NETO2: variants seen among roughly 807,000 people sequenced by gnomAD.
NETO2 encodes the protein neuropilin and tolloid like 2.
Under a neutral mutation model 62.5 loss-of-function variants are expected in NETO2, and 28 were observed. That is an observed-to-expected ratio of 0.45 (90% CI 0.33 to 0.61). The LOEUF is 0.61. Among genes scored for constraint, NETO2 ranks in the 20% least tolerant of loss-of-function variants. The pLI is 0.02. For missense variants in NETO2, 548 were observed against 643.2 expected (o/e 0.85, Z 1.60); for synonymous variants, 214 against 219.1 (o/e 0.98, Z 0.21).
At position 47,082,270 on chromosome 16, in the gene NETO2, T is replaced by C. The variant is rs886462560; in HGVS notation, c.*951A>G. ...CTGGCATCTAACCTTGGTTACCATA[T>C]GCTGTAAGCAAAACCAACAGAATGG... On this transcript the variant is annotated 3_prime_UTR_variant, in exon 9 of 9. Coordinates refer to ENST00000562435, the MANE Select transcript of NETO2 (RefSeq NM_018092.5). 1 of 152,564 alleles carries C rather than the reference T, an allele frequency of 6.6e-6. No individual in the cohort carries two copies. The highest frequency in any genetic ancestry group is 1.5e-5 in the Non-Finnish European group (1 of 68,032). 9.5% of individuals were successfully genotyped at this position (152,564 alleles called of 1,614,324 possible).
chr16:47,118,526 G>T (rs1963968955), intron 6 of NETO2, among the ~76,000 whole-genome samples: 1 of 152,154 alleles, frequency 6.6e-6, no homozygotes, highest in African/African-American at 2.4e-5. Flanking sequence ...GATTAAGAGA[G>T]AAAAAAGCCG....
chr16:47,134,276 C>G (rs965359228), intron 1 of NETO2, among the ~76,000 whole-genome samples: 1 of 152,170 alleles, frequency 6.6e-6, no homozygotes, highest in African/African-American at 2.4e-5. Flanking sequence ...TTTCTTGCAT[C>G]CTTGCTGACC....
At chr16:47,115,531 A>G (rs569285116) in intron 6 of NETO2, among the ~76,000 whole-genome samples, 81 of 144,694 alleles carry the variant, frequency 5.6e-4, no homozygotes, top group African/African-American at 1.9e-3. Context: ...AATTCAACTG[A>G]TTTTTTTTTT....
intron 7 of NETO2, 36 bp from the exon 8 acceptor site, chr16:47,086,375 C>G (rs200881259): frequency 1.5e-6 from 2 of 1,362,530 alleles, no homozygotes; most frequent in African/African-American, 2.9e-5. Flanking sequence ...AAAGAGCAGG[C>G]AGACCACCTG....
chr16:47,143,667 C>G lies in NETO2; in HGVS notation c.-55G>C. 1.6e-6 allele frequency: 2 copies of G among 1,216,922 alleles called. No individual in the cohort carries two copies. Among genetic ancestry groups the G allele is most frequent in the Non-Finnish European group, 2.0e-6 (2 of 977,076 alleles). The allele number at this position is 1,216,922 out of a possible 1,614,324, so 75.4% of individuals were successfully genotyped here. A position where few individuals can be genotyped will look rare whatever the true frequency, so the allele number is the denominator to read the frequency against. On this transcript the variant is annotated 5_prime_UTR_variant, in exon 1 of 9. Coordinates refer to ENST00000562435, the MANE Select transcript of NETO2 (RefSeq NM_018092.5). ...GGCTGAGGTAGCGGCGGCGGTGGCT[C>G]GGCGCTCACGGCTCGGCGCGGCGGC...
rs369533825 is a variant in NETO2 at position 47,122,637 on chromosome 16, G to C, written c.654+20C>G. 4 of 1,604,872 alleles carry C rather than the reference G, an allele frequency of 2.5e-6. No homozygotes were observed. In the Admixed American group the frequency reaches 7.0e-5, roughly 28 times the overall value. On this transcript the variant is annotated intron_variant, in intron 6 of 8. Coordinates refer to ENST00000562435, the MANE Select transcript of NETO2 (RefSeq NM_018092.5). The stretch of plus-strand genomic sequence containing the variant: ...TTATCATGATGTTCTTCTCTGAAGC[G>C]ACTCAATACATAATAATACCTTAGC...
At chr16:47,086,747 TAA>T (rs1963198486) in intron 7 of NETO2, among the ~76,000 whole-genome samples, 1 of 152,178 alleles carries the variant, frequency 6.6e-6, no homozygotes, top group Non-Finnish European at 1.5e-5. Flanking sequence ...CTCAAAAAGT[TAA>T]AGATAGAATT....
At chr16:47,099,314 C>T (rs1294789351) in intron 7 of NETO2, among the ~76,000 whole-genome samples, 1 of 152,190 alleles carries the variant, frequency 6.6e-6, no homozygotes, top group Non-Finnish European at 1.5e-5. Flanking sequence ...GAAGGAAGCA[C>T]TAAATATGGA....
At chr16:47,092,212 A>C (rs931106865) in intron 7 of NETO2, among the ~76,000 whole-genome samples, 1 of 152,032 alleles carries the variant, frequency 6.6e-6, no homozygotes, top group Non-Finnish European at 1.5e-5. Flanking sequence ...AAAGGACGCG[A>C]TATGTGGACC....
rs1378774034 is a variant in NETO2, at chr16:47,131,841, C to T, written c.91+128G>A. On this transcript the variant is annotated intron_variant, in intron 2 of 8. Coordinates refer to ENST00000562435, the MANE Select transcript of NETO2 (RefSeq NM_018092.5). ...AGTTAAATTGAGGCTGATGGGTTGACAGAAAGCCTTAGGTCACTGGAACAC... is the reference window on the plus strand; with the variant it reads ...AGTTAAATTGAGGCTGATGGGTTGATAGAAAGCCTTAGGTCACTGGAACAC... 6 of 730,918 alleles carry T rather than the reference C, an allele frequency of 8.2e-6. No homozygotes were observed. In the East Asian group the frequency reaches 1.1e-4, roughly 13 times the overall value. 45.3% of individuals were successfully genotyped at this position (730,918 alleles called of 1,614,324 possible).
intron 7 of NETO2, among the ~76,000 whole-genome samples, chr16:47,096,166 G>A (rs948173076): frequency 8.5e-5 from 13 of 152,220 alleles, no homozygotes; most frequent in African/African-American, 2.6e-4. Context: ...AAAAGCAGTA[G>A]TAAAAGGGAA....
rs144926534 is a variant in NETO2, at chr16:47,138,519, G to C, written c.34+5060C>G. Among the ~76,000 whole-genome samples the C allele has an allele frequency of 4.6e-5, 7 of 152,276 alleles. No homozygotes were observed. The East Asian group carries it at 1.3e-3, about 29-fold the overall frequency. ...CATCATTTTCTACTTATATCTAACT[G>C]GCTAGACTTAGTCACATGGTCACCT... is the stretch of plus-strand genomic sequence containing the variant. On this transcript the variant is annotated intron_variant, in intron 1 of 8. Coordinates refer to ENST00000562435, the MANE Select transcript of NETO2 (RefSeq NM_018092.5).
chr16:47,085,383 T>C (rs1963164185), intron 8 of NETO2, among the ~76,000 whole-genome samples: 1 of 151,874 alleles, frequency 6.6e-6, no homozygotes. Context: ...CGATATACTT[T>C]TTTTTTTTTT....
intron 7 of NETO2, among the ~76,000 whole-genome samples, chr16:47,091,536 C>G (rs1227861759): frequency 6.6e-6 from 1 of 152,090 alleles, no homozygotes; most frequent in Non-Finnish European, 1.5e-5. Context: ...GTTTATTTAA[C>G]CCAACATATC....
At chr16:47,127,255 C>G (rs1194643310) in intron 4 of NETO2, among the ~76,000 whole-genome samples, 1 of 152,130 alleles carries the variant, frequency 6.6e-6, no homozygotes, top group Admixed American at 6.5e-5. Context: ...ACATCTGTTT[C>G]TGCATTAGGG....
At chr16:47,091,301 T>C (rs985273680) in intron 7 of NETO2, among the ~76,000 whole-genome samples, 2 of 152,196 alleles carry the variant, frequency 1.3e-5, no homozygotes, top group Non-Finnish European at 1.5e-5. Flanking sequence ...AATATAAAGA[T>C]ATCACTCGAG....
chr16:47,125,590 C>T (rs1964141555), intron 4 of NETO2, among the ~76,000 whole-genome samples: 1 of 152,198 alleles, frequency 6.6e-6, no homozygotes, highest in African/African-American at 2.4e-5. Context: ...ATGTGATCCA[C>T]CCACCTCAGC....
intron 7 of NETO2, among the ~76,000 whole-genome samples, chr16:47,086,822 A>ATC (rs1217796706): frequency 6.6e-6 from 1 of 152,220 alleles, no homozygotes; most frequent in Non-Finnish European, 1.5e-5. Flanking sequence ...CCAGAAACTC[A>ATC]GTTACTTGCA....
intron 7 of NETO2, among the ~76,000 whole-genome samples, chr16:47,095,914 A>G (rs1963418846): frequency 6.6e-6 from 1 of 152,226 alleles, no homozygotes; most frequent in Non-Finnish European, 1.5e-5. Context: ...GTTCAGCCAC[A>G]AAACAAGTCT....
Sources: gnomAD v4.1 joint callset for allele counts (sites outside exome capture counted in the v4.1 genomes callset) on GRCh38, gnomAD v4.1.1 for gene constraint, MANE v1.5 for transcripts, NCBI Gene and HGNC (gene_info 2026-07-23, HGNC 2026-07-21) for gene names.